The following SNTG1 variants were observed in gnomAD, a reference collection of about 807,000 sequenced individuals.
SNTG1 encodes the protein gamma-1-syntrophin.
Under a neutral mutation model 74.7 loss-of-function variants are expected in SNTG1, and 39 were observed. The ratio of observed to expected loss-of-function variants is 0.52; its 90% CI spans 0.40 to 0.68. The LOEUF is 0.68. Among genes scored for constraint, SNTG1 ranks in the 30% least tolerant of loss-of-function variants. The pLI is 0.00. For synonymous variants in SNTG1, 254 were observed against 217.1 expected, an observed-to-expected ratio of 1.17 and a Z score of -1.49; for missense variants, 685 against 609.5, an observed-to-expected ratio of 1.12 and a Z score of -1.30.
chr8:50,296,503 T>C (rs1385802504), intron 2 of SNTG1, among the ~76,000 whole-genome samples: 1 of 152,058 alleles, frequency 6.6e-6, no homozygotes, highest in Non-Finnish European at 1.5e-5. Context: ...CTCAGCAAGC[T>C]AACACAGAAA....
intron 15 of SNTG1, among the ~76,000 whole-genome samples, chr8:50,664,028 A>G (rs1174912485): frequency 6.6e-6 from 1 of 152,202 alleles, no homozygotes. Context: ...TCAACAGTTT[A>G]TATTTCTGCC....
At chr8:49,984,282 T>G (rs1812950321) in intron 1 of SNTG1, among the ~76,000 whole-genome samples, 1 of 152,132 alleles carries the variant, frequency 6.6e-6, no homozygotes, top group Non-Finnish European at 1.5e-5. Context: ...CTCGGCTCAC[T>G]GCATCTTCCG....
intron 1 of SNTG1, among the ~76,000 whole-genome samples, chr8:50,172,018 C>T (rs1586577970): frequency 6.6e-6 from 1 of 152,124 alleles, no homozygotes; most frequent in East Asian, 1.9e-4. Flanking sequence ...AAGGCAGAAG[C>T]ACCACTCTAG....
At chr8:50,762,889 T>G (rs1355067) in intron 18 of SNTG1, 22,348 of 299,000 alleles carry the variant, frequency 0.075, 3,523 homozygotes, top group African/African-American at 0.38. Context: ...TTTTAAATGT[T>G]TTCCCCTCCT....
intron 2 of SNTG1, among the ~76,000 whole-genome samples, chr8:50,374,180 G>A (rs2092327962): frequency 6.6e-6 from 1 of 152,188 alleles, no homozygotes; most frequent in Non-Finnish European, 1.5e-5. Flanking sequence ...CTCTCTGTTT[G>A]CTGTTAAAAT....
At chr8:50,208,936 C>T (rs573481173) in intron 2 of SNTG1, among the ~76,000 whole-genome samples, 82 of 152,190 alleles carry the variant, frequency 5.4e-4, no homozygotes, top group African/African-American at 7.9e-4. Flanking sequence ...GGCAGGGCAT[C>T]GCCTCACCTG....
At chr8:50,683,048 G>T (rs553769691) in intron 15 of SNTG1, among the ~76,000 whole-genome samples, 5 of 152,028 alleles carry the variant, frequency 3.3e-5, no homozygotes, top group Admixed American at 6.6e-5. Context: ...TTTCTTATTT[G>T]CTTTATGGTT....
chr8:50,603,562 G>C (rs1388083961), intron 13 of SNTG1, among the ~76,000 whole-genome samples: 1 of 151,990 alleles, frequency 6.6e-6, no homozygotes, highest in Non-Finnish European at 1.5e-5. Context: ...GGATAGTCTT[G>C]ATGCTTATGG....
At chr8:50,059,171 T>A (rs1018336317) in intron 1 of SNTG1, among the ~76,000 whole-genome samples, 2 of 152,116 alleles carry the variant, frequency 1.3e-5, no homozygotes, top group African/African-American at 4.8e-5. Context: ...GGGTTGTTTC[T>A]ACTTTTTGGC....
At chr8:50,366,765 T>TCCA (rs1354805089) in intron 2 of SNTG1, among the ~76,000 whole-genome samples, 3 of 146,462 alleles carry the variant, frequency 2.0e-5, no homozygotes, top group Non-Finnish European at 4.5e-5. Flanking sequence ...TAATATAGTA[T>TCCA]TATTTAAGAA....
chr8:50,689,980 G>A (rs949805083), intron 15 of SNTG1, among the ~76,000 whole-genome samples: 54 of 152,268 alleles, frequency 3.5e-4, no homozygotes, highest in African/African-American at 1.2e-3. Context: ...GTCTTGGGAG[G>A]ATGTATGTGT....
At chr8:50,411,707 T>C (rs2131399183) in intron 4 of SNTG1, among the ~76,000 whole-genome samples, 1 of 152,264 alleles carries the variant, frequency 6.6e-6, no homozygotes, top group Non-Finnish European at 1.5e-5. Flanking sequence ...GTGATGTTTC[T>C]TTTTTGCCAG....
intron 15 of SNTG1, among the ~76,000 whole-genome samples, chr8:50,689,576 C>T (rs1308034867): frequency 6.6e-6 from 1 of 150,870 alleles, no homozygotes. Flanking sequence ...GTTGAACCAG[C>T]CTTGCATCCC....
At chr8:50,233,389 C>T (rs1266467548) in intron 2 of SNTG1, among the ~76,000 whole-genome samples, 1 of 151,556 alleles carries the variant, frequency 6.6e-6, no homozygotes, top group Non-Finnish European at 1.5e-5. Context: ...AAACTTCACT[C>T]CTCATGTAAA....
chr8:50,638,115 GGAA>G (rs1337906114), intron 13 of SNTG1, among the ~76,000 whole-genome samples: 1 of 152,030 alleles, frequency 6.6e-6, no homozygotes, highest in African/African-American at 2.4e-5. Flanking sequence ...CTTTCCAGAT[GGAA>G]GAAGAAGAGA....
intron 13 of SNTG1, among the ~76,000 whole-genome samples, chr8:50,607,776 T>C (rs2094823291): frequency 6.6e-6 from 1 of 151,658 alleles, no homozygotes; most frequent in Non-Finnish European, 1.5e-5. Context: ...TTTAATTTAC[T>C]CTTCTTTTTT....
Position 50,175,693 on chromosome 8 carries a change from A to G in SNTG1, c.-28+3058A>G, listed in dbSNP as rs2082974095. On this transcript the variant is annotated intron_variant, in intron 2 of 18. Transcript: ENST00000642720. ...AAGAGTACAGGTTATACATGAAGAAATGGAGAAAGGCAGTTGTAAGGAAAA... is the reference window on the plus strand; with the variant it reads ...AAGAGTACAGGTTATACATGAAGAAGTGGAGAAAGGCAGTTGTAAGGAAAA... Among the ~76,000 whole-genome samples the G allele has an allele frequency of 2.6e-5, 4 of 152,224 alleles. No individual in the cohort carries two copies. The South Asian group carries it at 6.2e-4, about 24-fold the overall frequency.
At chr8:50,442,683 A>T (rs1228508391) in intron 5 of SNTG1, among the ~76,000 whole-genome samples, 3 of 14,500 alleles carry the variant, frequency 2.1e-4, no homozygotes, top group Admixed American at 2.4e-3. Context: ...CTATCAGTAA[A>T]AAAAAAAAAA....
chr8:50,214,885 T>A (rs551091573), intron 2 of SNTG1, among the ~76,000 whole-genome samples: 1 of 152,218 alleles, frequency 6.6e-6, no homozygotes, highest in African/African-American at 2.4e-5. Flanking sequence ...AATAGTAACA[T>A]GCTAGAAGCA....
Sources: gnomAD v4.1 joint callset for allele counts (sites outside exome capture counted in the v4.1 genomes callset) on GRCh38, gnomAD v4.1.1 for gene constraint, MANE v1.5 for transcripts, NCBI Gene and HGNC (gene_info 2026-07-23, HGNC 2026-07-21) for gene names.